AFF1: variants seen among roughly 807,000 people sequenced by gnomAD.
AFF1 encodes the protein AF4/FMR2 family member 1.
AFF1 carries 48 observed loss-of-function variants against 121.7 expected under a neutral mutation model. That is an observed-to-expected ratio of 0.39 (90% CI 0.31 to 0.50). The LOEUF (loss-of-function observed/expected upper bound fraction) is 0.50, where lower values mean the gene tolerates loss of function less well. AFF1 is among the 20% of genes least tolerant of loss of function. The pLI, the probability that AFF1 is intolerant of heterozygous loss-of-function variation, is 0.76. For missense variants in AFF1, 1,523 were observed against 1,511.7 expected (o/e 1.01, Z -0.12); for synonymous variants, 613 against 563.0 (o/e 1.09, Z -1.26).
At chr4:86,957,022 T>A (rs1252550342) in intron 2 of AFF1, among the ~76,000 whole-genome samples, 1 of 152,184 alleles carries the variant, frequency 6.6e-6, no homozygotes, top group Non-Finnish European at 1.5e-5. Flanking sequence ...TCTCTGTCTT[T>A]AGCCCTGAAC....
At chr4:86,971,201 T>C (rs1722920470) in intron 2 of AFF1, among the ~76,000 whole-genome samples, 1 of 152,298 alleles carries the variant, frequency 6.6e-6, no homozygotes, top group African/African-American at 2.4e-5. Context: ...CATAAAACAC[T>C]GTAAGCAGGG....
chr4:86,965,865 A>G (rs1722505326), intron 2 of AFF1, among the ~76,000 whole-genome samples: 1 of 152,144 alleles, frequency 6.6e-6, no homozygotes, highest in Non-Finnish European at 1.5e-5. Flanking sequence ...CACTTGAGCA[A>G]GGTTTCTCCT....
intron 4 of AFF1, among the ~76,000 whole-genome samples, chr4:87,052,964 T>C (rs565072334): frequency 7.2e-5 from 11 of 152,172 alleles, no homozygotes; most frequent in African/African-American, 2.2e-4. Flanking sequence ...CCTGGAAAAC[T>C]AAGAACTCTA....
chr4:87,086,568 G>C (rs1370106280), intron 5 of AFF1, among the ~76,000 whole-genome samples: 1 of 152,142 alleles, frequency 6.6e-6, no homozygotes, highest in Non-Finnish European at 1.5e-5. Flanking sequence ...GGACTGAACA[G>C]GCCATAGGCC....
intron 2 of AFF1, among the ~76,000 whole-genome samples, chr4:86,984,300 C>G (rs908267230): frequency 6.7e-6 from 1 of 150,198 alleles, no homozygotes. Flanking sequence ...TTCAAGTGAC[C>G]CTTTTTTTTT....
chr4:87,022,694 C>CTG (rs575299633), intron 2 of AFF1, among the ~76,000 whole-genome samples: 1 of 36,936 alleles, frequency 2.7e-5, no homozygotes. Flanking sequence ...GTATGTATAT[C>CTG]TGTGTGTATA....
chr4:87,096,617 T>G (rs1191709634), intron 8 of AFF1, among the ~76,000 whole-genome samples: 1 of 151,924 alleles, frequency 6.6e-6, no homozygotes, highest in Non-Finnish European at 1.5e-5. Flanking sequence ...CAAACCCAAA[T>G]AGCACACTGC....
At chr4:86,936,716 C>A (rs993185180) in intron 1 of AFF1, among the ~76,000 whole-genome samples, 4 of 152,154 alleles carry the variant, frequency 2.6e-5, no homozygotes, top group African/African-American at 9.7e-5. Flanking sequence ...GAAGTAGATT[C>A]ACAGGAGAAT....
At chr4:86,936,593 G>T (rs1167883236) in intron 1 of AFF1, 1 of 152,158 alleles carries the variant, frequency 6.6e-6, no homozygotes, top group Non-Finnish European at 1.5e-5. Context: ...TTTCTTTGGG[G>T]CCGAAGAATA....
rs183091346 is a variant in AFF1, at chr4:87,088,554, A to T, written c.1105-1430A>T. 7.0e-3 allele frequency among the ~76,000 whole-genome samples: 1,059 copies of T among 152,302 alleles called. 7 individuals carry two copies. The highest frequency in any genetic ancestry group is 7.2e-3 in the Non-Finnish European group (493 of 68,030). On this transcript the variant is annotated intron_variant, in intron 5 of 20. Transcript: ENST00000395146. ...AATACATCATGTGTTATACAGGTGG[A>T]GTAATATAGCATGCTGTGGGGTCGC... is the stretch of plus-strand genomic sequence containing the variant.
chr4:86,984,349 A>G (rs1445930230), intron 2 of AFF1, among the ~76,000 whole-genome samples: 2 of 121,330 alleles, frequency 1.6e-5, no homozygotes, highest in South Asian at 2.7e-4. Context: ...TTTTTTTGTG[A>G]CTGAGTCTTG....
rs1471571114 is a variant in AFF1 at position 87,138,249 on chromosome 4, C to G, written c.*2548C>G. On this transcript the variant is annotated 3_prime_UTR_variant, in exon 21 of 21. Transcript: ENST00000395146. ...CGTTCATAGGGTCTTTTTGCTGTTACGGTTGTATATAGAGGTCTGAAGGAT... is the reference window on the plus strand; with the variant it reads ...CGTTCATAGGGTCTTTTTGCTGTTAGGGTTGTATATAGAGGTCTGAAGGAT... 1 of 232,230 alleles carries G rather than the reference C, an allele frequency of 4.3e-6. No individual in the cohort carries two copies. Among genetic ancestry groups the G allele is most frequent in the Non-Finnish European group, 8.5e-6 (1 of 117,562 alleles). 14.4% of individuals were successfully genotyped at this position (232,230 alleles called of 1,614,324 possible). A position where few individuals can be genotyped will look rare whatever the true frequency, so the allele number is the denominator to read the frequency against.
chr4:87,044,230 A>T (rs58317309), intron 2 of AFF1, among the ~76,000 whole-genome samples: 1 of 152,184 alleles, frequency 6.6e-6, no homozygotes, highest in Non-Finnish European at 1.5e-5. Context: ...TACTTTTTAG[A>T]TGATTTTTTA....
intron 5 of AFF1, among the ~76,000 whole-genome samples, chr4:87,084,592 AT>A (rs1187216960): frequency 8.7e-5 from 10 of 114,964 alleles, no homozygotes; most frequent in African/African-American, 1.2e-4. Flanking sequence ...AAATAAATAA[AT>A]AAATAAATAA....
Position 86,983,567 on chromosome 4 carries a change from T to C in AFF1, c.38+34996T>C, listed in dbSNP as rs147272124. Among the ~76,000 whole-genome samples, 250 of 151,506 alleles carry C rather than the reference T, an allele frequency of 1.7e-3. 1 individual carries two copies. Among genetic ancestry groups the C allele is most frequent in the Non-Finnish European group, 2.7e-3 (184 of 67,868 alleles). ...AATTAAAAAATAAAAATACTAAAAATATAAAAAATTAGCTGGGCATGGTGG... is the reference window on the plus strand; with the variant it reads ...AATTAAAAAATAAAAATACTAAAAACATAAAAAATTAGCTGGGCATGGTGG... On this transcript the variant is annotated intron_variant, in intron 2 of 20. Coordinates refer to ENST00000395146, the MANE Select transcript of AFF1 (RefSeq NM_001166693.3).
At chr4:86,951,484 A>G (rs1721303113) in intron 2 of AFF1, among the ~76,000 whole-genome samples, 1 of 151,768 alleles carries the variant, frequency 6.6e-6, no homozygotes, top group African/African-American at 2.4e-5. Flanking sequence ...CTTGCAACCC[A>G]TTTTACATCT....
Position 87,125,122 on chromosome 4 carries a change from A to C in AFF1, c.2552A>C (p.His851Pro). Residue 851 changes from histidine (H) to proline (P), a missense_variant, in exon 13 of 21, where the codon CAC becomes CCC. Physicochemically the swap from His to Pro is moderately conservative, Grantham distance 77 (BLOSUM62 -2). Transcript: ENST00000395146. ...KSQSSSSSSS[H>P]KESSKTKPSR... ...CAGTCATCTTCATCTTCATCCTCCC[A>C]CAAAGAATCTTCTAAAACAAAGTGA... 1 of 1,610,382 alleles carries C rather than the reference A, an allele frequency of 6.2e-7. No individual in the cohort carries two copies. Among genetic ancestry groups the C allele is most frequent in the Non-Finnish European group, 8.5e-7 (1 of 1,177,886 alleles).
At chr4:87,096,184 G>T (rs1215023112) in intron 8 of AFF1, among the ~76,000 whole-genome samples, 1 of 151,892 alleles carries the variant, frequency 6.6e-6, no homozygotes, top group Non-Finnish European at 1.5e-5. Context: ...GATGGGTTTT[G>T]TGCATGTGGT....
chr4:87,046,613 T>G (rs1730717612), intron 3 of AFF1, 82 bp from the exon 4 acceptor site: 2 of 1,415,904 alleles, frequency 1.4e-6, no homozygotes, highest in Admixed American at 4.5e-5. Context: ...AGTTTTTTCC[T>G]TAATAGTATT....
Sources: gnomAD v4.1 joint callset for allele counts (sites outside exome capture counted in the v4.1 genomes callset) on GRCh38, gnomAD v4.1.1 for gene constraint, MANE v1.5 for transcripts, NCBI Gene and HGNC (gene_info 2026-07-23, HGNC 2026-07-21) for gene names.